Variants in USP53 observed in about 807,000 individuals in gnomAD.
USP53 encodes ubiquitin carboxyl-terminal hydrolase 53.
Under a neutral mutation model 94.9 loss-of-function variants are expected in USP53, and 71 were observed. The ratio of observed to expected loss-of-function variants is 0.75; its 90% confidence interval spans 0.62 to 0.91. USP53 has a LOEUF of 0.91. USP53 is among the 40% of genes least tolerant of loss of function. USP53 has a pLI of 0.00. For missense variants in USP53, 1,173 were observed against 1,281.0 expected, an observed-to-expected ratio of 0.92 and a Z score of 1.29; for synonymous variants, 375 against 422.7, an observed-to-expected ratio of 0.89 and a Z score of 1.39.
Position 119,239,607 on chromosome 4 carries a change from T to A in USP53, c.-153T>A. The A allele has an allele frequency of 1.1e-6, 1 of 876,214 alleles. No homozygotes were observed. Among genetic ancestry groups the A allele is most frequent in the Non-Finnish European group, 1.7e-6 (1 of 605,230 alleles). 54.3% of individuals were successfully genotyped at this position (876,214 alleles called of 1,614,324 possible). ...ACTTGTCAGAGTCTTTAAGAGTTTATAACATCAGGAAAGATATGGACTTGG... is the reference window on the plus strand; with the variant it reads ...ACTTGTCAGAGTCTTTAAGAGTTTAAAACATCAGGAAAGATATGGACTTGG... On this transcript the variant is annotated 5_prime_UTR_variant, in exon 5 of 19. Coordinates refer to ENST00000692078, the MANE Select transcript of USP53 (RefSeq NM_001371395.1).
At chr4:119,221,866 G>A (rs2149268134) in intron 3 of USP53, among the ~76,000 whole-genome samples, 1 of 152,314 alleles carries the variant, frequency 6.6e-6, no homozygotes, top group Admixed American at 6.5e-5. Context: ...GCAAAGGAGA[G>A]AGGGGGATGA....
At chr4:119,271,083 CATT>C in intron 15 of USP53, 5 of 431,426 alleles carry the variant, frequency 1.2e-5, no homozygotes, top group Non-Finnish European at 1.5e-5. Flanking sequence ...CCTTAGAGAT[CATT>C]TTTTGAAGTT....
chr4:119,212,708 G>C (rs1743013707), upstream of USP53: 1 of 342,460 alleles, frequency 2.9e-6, no homozygotes, highest in Admixed American at 3.8e-5. Context: ...AGCCGCCTGT[G>C]CTCCAGTTCC....
intron 3 of USP53, chr4:119,221,097 C>CA (rs893254733): frequency 3.3e-5 from 5 of 152,004 alleles, no homozygotes; most frequent in Admixed American, 2.6e-4. Context: ...AACGTAGAGA[C>CA]AAACAAGGAA....
intron 15 of USP53, among the ~76,000 whole-genome samples, chr4:119,270,902 G>T (rs563021132): frequency 6.7e-6 from 1 of 150,096 alleles, no homozygotes; most frequent in South Asian, 2.2e-4. Context: ...GAACTAGTCT[G>T]CACTCCCACC....
At chr4:119,213,908 T>TAGAA (rs1743324606) in intron 1 of USP53, among the ~76,000 whole-genome samples, 162 bp from the exon 2 acceptor site, 1 of 150,208 alleles carries the variant, frequency 6.7e-6, no homozygotes, top group Non-Finnish European at 1.5e-5. Context: ...GCAGTACACT[T>TAGAA]AGGAAGGTTT....
chr4:119,240,528 C>T (rs1747384662), intron 5 of USP53, among the ~76,000 whole-genome samples: 1 of 152,078 alleles, frequency 6.6e-6, no homozygotes, highest in Admixed American at 6.6e-5. Flanking sequence ...GATCCTGTGT[C>T]CTTCTGACCA....
intron 6 of USP53, among the ~76,000 whole-genome samples, chr4:119,248,217 A>G (rs1748505895): frequency 7.4e-6 from 1 of 135,572 alleles, no homozygotes; most frequent in African/African-American, 3.9e-5. Context: ...AAACTGAATG[A>G]TGTTTCCAGT....
At chr4:119,291,728 T>G (rs11732621) in intron 18 of USP53, among the ~76,000 whole-genome samples, 60,860 of 151,962 alleles carry the variant, frequency 0.4, 12,468 homozygotes, top group Non-Finnish European at 0.46. Flanking sequence ...TTTTAAACTA[T>G]TATACAGCCA....
intron 3 of USP53, among the ~76,000 whole-genome samples, chr4:119,231,964 G>A (rs1238547494): frequency 6.6e-6 from 1 of 152,092 alleles, no homozygotes; most frequent in African/African-American, 2.4e-5. Context: ...CATTTTGTTT[G>A]TGCAGTTTAG....
At chr4:119,214,594 CTAGTG>C (rs933277447) in intron 2 of USP53, among the ~76,000 whole-genome samples, 1 of 148,600 alleles carries the variant, frequency 6.7e-6, no homozygotes, top group Non-Finnish European at 1.5e-5. Flanking sequence ...ACTTTTCCAA[CTAGTG>C]TATTCTTTTC....
intron 7 of USP53, among the ~76,000 whole-genome samples, chr4:119,251,048 C>G (rs1490553305): frequency 1.3e-5 from 2 of 151,890 alleles, no homozygotes; most frequent in Non-Finnish European, 2.9e-5. Context: ...AATGTTATCC[C>G]TCCCCTAGCC....
chr4:119,288,449 T>C (rs1754352776), intron 17 of USP53, among the ~76,000 whole-genome samples: 1 of 152,208 alleles, frequency 6.6e-6, no homozygotes, highest in African/African-American at 2.4e-5. Context: ...TTAATAGCTT[T>C]TCCTAAAAAT....
intron 11 of USP53, among the ~76,000 whole-genome samples, chr4:119,261,180 G>A (rs976267507): frequency 3.3e-5 from 5 of 151,898 alleles, no homozygotes; most frequent in African/African-American, 4.8e-5. Flanking sequence ...GGCTGCTCTC[G>A]AACTCCTGGC....
At position 119,270,361 on chromosome 4, in the gene USP53, G is replaced by A. The variant is rs1328656517; in HGVS notation, c.1435+524G>A. ...GATCCTCTTACCTCAGCCTCCCAAAGTGCTGGGATTACAGGGGTACCCAGA... is the reference window on the plus strand; with the variant it reads ...GATCCTCTTACCTCAGCCTCCCAAAATGCTGGGATTACAGGGGTACCCAGA... On this transcript the variant is annotated intron_variant, in intron 15 of 18. Transcript: ENST00000692078. Among the ~76,000 whole-genome samples, 5 of 152,104 alleles carry A rather than the reference G, an allele frequency of 3.3e-5. No homozygotes were observed. In the South Asian group the frequency reaches 8.3e-4, roughly 25 times the overall value.
At chr4:119,266,436 C>G in intron 12 of USP53, 1 of 438,092 alleles carries the variant, frequency 2.3e-6, no homozygotes, top group Non-Finnish European at 4.6e-6. Context: ...TCCTGTTGTT[C>G]CACATTCTCA....
In USP53 at chr4:119,293,263, C is replaced by T. The variant is rs557713002; in HGVS notation, c.*52C>T. ...CATAATAATCTTGGTTCAAGCTGCC[C>T]TTCTGAACAAAGATATAAACCTAGC... On this transcript the variant is annotated 3_prime_UTR_variant, in exon 19 of 19. Coordinates refer to ENST00000692078, the MANE Select transcript of USP53 (RefSeq NM_001371395.1). 1.3e-5 allele frequency: 19 copies of T among 1,514,614 alleles called. No individual in the cohort carries two copies. The highest frequency in any genetic ancestry group is 1.4e-5 in the Non-Finnish European group (16 of 1,141,726). 93.8% of individuals were successfully genotyped at this position (1,514,614 alleles called of 1,614,324 possible). A position where few individuals can be genotyped will look rare whatever the true frequency, so the allele number is the denominator to read the frequency against.
At position 119,261,788 on chromosome 4, in the gene USP53, G is replaced by T; in HGVS notation, c.896G>T (p.Ser299Ile). 1 of 1,535,644 alleles carries T rather than the reference G, an allele frequency of 6.5e-7. No individual in the cohort carries two copies. The highest frequency in any genetic ancestry group is 1.4e-5 in the African/African-American group (1 of 73,942). The change falls in exon 12 of 19, where the codon AGC becomes ATC. Residue 299 changes from serine (S) to isoleucine (I), a missense_variant. By Grantham distance (142) the Ser-to-Ile change is moderately radical. Coordinates refer to ENST00000692078, the MANE Select transcript of USP53 (RefSeq NM_001371395.1). ...LNLVGMICYT[S>I]QHYCAFAFHT... ...CTTGTTGGTATGATCTGCTACACCAGCCAACATTATTGTGCCTTTGCATTT... is the reference window on the plus strand; with the variant it reads ...CTTGTTGGTATGATCTGCTACACCATCCAACATTATTGTGCCTTTGCATTT...
At chr4:119,283,203 T>C (rs1422616636) in intron 17 of USP53, among the ~76,000 whole-genome samples, 1 of 151,910 alleles carries the variant, frequency 6.6e-6, no homozygotes, top group African/African-American at 2.4e-5. Context: ...GGAATTGTAG[T>C]GGAGGGATTT....
Sources: gnomAD v4.1 joint callset for allele counts (sites outside exome capture counted in the v4.1 genomes callset) on GRCh38, gnomAD v4.1.1 for gene constraint, MANE v1.5 for transcripts, NCBI Gene and HGNC (gene_info 2026-07-23, HGNC 2026-07-21) for gene names.